ANO3: variants seen among roughly 807,000 people sequenced by gnomAD.
ANO3 encodes the protein anoctamin-3.
In ANO3, 99 loss-of-function variants were observed where a neutral mutation model predicts 144.8. The observed-to-expected ratio is 0.68, with a 90% CI of 0.58 to 0.81. The LOEUF (loss-of-function observed/expected upper bound fraction) is 0.81. Ranked by LOEUF, ANO3 falls within the 30% of genes least tolerant of loss-of-function variation. The pLI is 0.00. For missense variants in ANO3, 905 were observed against 1,202.2 expected (o/e 0.75, Z 3.66); for synonymous variants, 414 against 392.6 (o/e 1.05, Z -0.64).
intron 1 of ANO3, among the ~76,000 whole-genome samples, chr11:26,341,501 T>A (rs893909516): frequency 9.9e-5 from 15 of 152,236 alleles, no homozygotes; most frequent in South Asian, 2.1e-4. Context: ...AGACATTTTT[T>A]AAAGTATTTT....
At chr11:26,659,339 T>A (rs768729413) in intron 26 of ANO3, among the ~76,000 whole-genome samples, 46 of 151,372 alleles carry the variant, frequency 3.0e-4, no homozygotes, top group Non-Finnish European at 6.0e-4. Context: ...ACCACAGACA[T>A]ACTACCTTTG....
chr11:26,378,640 G>A (rs984807338), intron 1 of ANO3, among the ~76,000 whole-genome samples: 6 of 151,892 alleles, frequency 4.0e-5, no homozygotes, highest in African/African-American at 1.4e-4. Flanking sequence ...GCTCTGAGCG[G>A]TTTCAATTAA....
chr11:26,580,476 A>G (rs1851100360), intron 14 of ANO3, among the ~76,000 whole-genome samples: 1 of 152,158 alleles, frequency 6.6e-6, no homozygotes, highest in Non-Finnish European at 1.5e-5. Context: ...TTCTGGCTTC[A>G]TGTATTCAGA....
intron 1 of ANO3, among the ~76,000 whole-genome samples, chr11:26,213,097 A>C (rs1851967685): frequency 6.6e-6 from 1 of 152,148 alleles, no homozygotes; most frequent in South Asian, 2.1e-4. Flanking sequence ...CATGTTAAAA[A>C]CTCCTAATAA....
chr11:26,298,959 A>G (rs1348029507), intron 1 of ANO3, among the ~76,000 whole-genome samples: 1 of 152,186 alleles, frequency 6.6e-6, no homozygotes, highest in Non-Finnish European at 1.5e-5. Flanking sequence ...AGACCAATGG[A>G]AATGTGAAGA....
chr11:26,359,494 T>C (rs1290805431), intron 1 of ANO3, among the ~76,000 whole-genome samples: 2 of 152,108 alleles, frequency 1.3e-5, no homozygotes, highest in Non-Finnish European at 2.9e-5. Flanking sequence ...TATGTACATG[T>C]ATATACTGAT....
intron 6 of ANO3, among the ~76,000 whole-genome samples, chr11:26,521,145 G>A (rs1439194101): frequency 2.6e-5 from 4 of 152,022 alleles, no homozygotes; most frequent in Non-Finnish European, 5.9e-5. Flanking sequence ...TAAACTAAGT[G>A]GCAAATTATT....
intron 4 of ANO3, among the ~76,000 whole-genome samples, chr11:26,487,787 T>C (rs968101293): frequency 1.3e-5 from 2 of 152,250 alleles, no homozygotes; most frequent in East Asian, 3.9e-4. Context: ...AACTTTAAAC[T>C]TCAGAGAGAT....
intron 1 of ANO3, among the ~76,000 whole-genome samples, chr11:26,292,220 A>G (rs1465819763): frequency 6.6e-6 from 1 of 152,148 alleles, no homozygotes; most frequent in African/African-American, 2.4e-5. Context: ...ACACTTGTGC[A>G]TGCATCACAT....
At chr11:26,228,903 G>T (rs1321988663) in intron 1 of ANO3, among the ~76,000 whole-genome samples, 1 of 152,164 alleles carries the variant, frequency 6.6e-6, no homozygotes, top group African/African-American at 2.4e-5. Context: ...GTCAAACTTG[G>T]TTGGTTGTAT....
At chr11:26,391,368 T>C (rs1337551793) in intron 1 of ANO3, among the ~76,000 whole-genome samples, 1 of 152,110 alleles carries the variant, frequency 6.6e-6, no homozygotes, top group East Asian at 1.9e-4. Flanking sequence ...AATTAATCCA[T>C]TCATGAAGGC....
rs539258528 is a variant in ANO3 at position 26,510,188 on chromosome 11, T to C, written c.591+1926T>C. Among the ~76,000 whole-genome samples, 7 of 151,230 alleles carry C rather than the reference T, an allele frequency of 4.6e-5. No homozygotes were observed. The East Asian group carries it at 1.4e-3, about 29-fold the overall frequency. On this transcript the variant is annotated intron_variant, in intron 5 of 26. Transcript: ENST00000256737. ...AGAAAAACTAATCCATTTATGTTTA[T>C]TAAAATCCTTTAATGTGTATGAAAT...
At chr11:26,503,996 A>G (rs965497016) in intron 4 of ANO3, among the ~76,000 whole-genome samples, 6 of 152,192 alleles carry the variant, frequency 3.9e-5, no homozygotes, top group Admixed American at 1.3e-4. Context: ...TACCAATGCT[A>G]TGAGACTCAG....
chr11:26,346,457 A>G (rs1049716503), intron 1 of ANO3, among the ~76,000 whole-genome samples: 27 of 152,316 alleles, frequency 1.8e-4, no homozygotes, highest in African/African-American at 6.0e-4. Flanking sequence ...TACCATCTCA[A>G]AAAGACTCTC....
chr11:26,349,047 T>A (rs1236429968), intron 1 of ANO3, among the ~76,000 whole-genome samples: 1 of 152,208 alleles, frequency 6.6e-6, no homozygotes, highest in Non-Finnish European at 1.5e-5. Context: ...CAGAGGTTTA[T>A]GAGACTCTTT....
chr11:26,644,030 G>A (rs1370152370), intron 23 of ANO3, among the ~76,000 whole-genome samples: 1 of 152,060 alleles, frequency 6.6e-6, no homozygotes, highest in African/African-American at 2.4e-5. Context: ...ACTTCTGTTC[G>A]CTATAAATTA....
At chr11:26,514,073 A>T (rs117712551) in intron 5 of ANO3, among the ~76,000 whole-genome samples, 16,752 of 151,910 alleles carry the variant, frequency 0.11, 1,282 homozygotes, top group Admixed American at 0.16. Flanking sequence ...AACTATAAAG[A>T]CTACAGAAAG....
At chr11:26,293,511 A>C (rs1854008279) in intron 1 of ANO3, among the ~76,000 whole-genome samples, 1 of 134,736 alleles carries the variant, frequency 7.4e-6, no homozygotes, top group African/African-American at 2.8e-5. Flanking sequence ...ATTTCAGTCT[A>C]GAGTGGGTCT....
chr11:26,358,170 C>CTTTTTT (rs34078380), intron 1 of ANO3, among the ~76,000 whole-genome samples: 4 of 119,660 alleles, frequency 3.3e-5, no homozygotes, highest in Non-Finnish European at 6.6e-5. Flanking sequence ...ACAATTTCAA[C>CTTTTTT]TTTTTTTTTT....
Sources: allele counts gnomAD v4.1 joint callset (sites outside exome capture counted in the v4.1 genomes callset), GRCh38; gene constraint gnomAD v4.1.1; transcripts MANE v1.5; gene names NCBI Gene and HGNC (gene_info 2026-07-23, HGNC 2026-07-21).